Variants in TET1 observed in about 807,000 individuals in gnomAD.
TET1 encodes the protein tet methylcytosine dioxygenase 1.
Under a neutral mutation model 148.7 loss-of-function variants are expected in TET1, and 13 were observed. The observed-to-expected ratio is 0.09, with a 90% CI of 0.06 to 0.14. The LOEUF (loss-of-function observed/expected upper bound fraction) is 0.14, where lower values mean the gene tolerates loss of function less well. TET1 is among the 10% of genes least tolerant of loss of function. TET1 has a pLI of 1.00. For synonymous variants in TET1, 907 were observed against 937.2 expected (o/e 0.97, Z 0.59); for missense variants, 2,182 against 2,553.8 (o/e 0.85, Z 3.14).
intron 1 of TET1, among the ~76,000 whole-genome samples, chr10:68,566,088 G>C (rs1669657368): frequency 6.6e-6 from 1 of 152,106 alleles, no homozygotes. Context: ...TTAAAAATAT[G>C]AAAGAATATA....
intron 3 of TET1, among the ~76,000 whole-genome samples, chr10:68,638,713 T>A (rs544864948): frequency 6.6e-6 from 1 of 152,086 alleles, no homozygotes; most frequent in African/African-American, 2.4e-5. Flanking sequence ...TGGGTTGTTG[T>A]TGTTTTTGGA....
chr10:68,643,439 C>T lies in TET1; in HGVS notation c.1969-1259C>T, dbSNP rs562942590. Among the ~76,000 whole-genome samples, 40 of 152,160 alleles carry T rather than the reference C, an allele frequency of 2.6e-4. No individual in the cohort carries two copies. In the South Asian group the frequency reaches 8.3e-3, roughly 32 times the overall value. Reference sequence around the variant, plus strand: ...AATGGACTACAAGTATACTTAACAGCTCATTTTGTGAAAACTTAACAAGCT... The same window carrying T: ...AATGGACTACAAGTATACTTAACAGTTCATTTTGTGAAAACTTAACAAGCT... On this transcript the variant is annotated intron_variant, in intron 3 of 11. Coordinates refer to ENST00000373644, the MANE Select transcript of TET1 (RefSeq NM_030625.3).
At chr10:68,563,931 C>T (rs975798595) in intron 1 of TET1, among the ~76,000 whole-genome samples, 13 of 152,078 alleles carry the variant, frequency 8.5e-5, no homozygotes, top group African/African-American at 3.1e-4. Flanking sequence ...ATCTGCCTGC[C>T]TCGGCCTCCC....
rs750055740 is a variant in TET1, at chr10:68,682,844, T to C, written c.4923T>C (p.Tyr1641=). The change falls in exon 10 of 12, where the codon TAT becomes TAC. Residue 1641 remains tyrosine, a synonymous_variant. Coordinates refer to ENST00000373644, the MANE Select transcript of TET1 (RefSeq NM_030625.3). The part of the protein sequence containing the change: ...APVAYQNQVE[Y]ENVARECRLG... ...CATGCTTTCTTTTCTAGGTGGAATA[T>C]GAAAATGTTGCCCGAGAATGTCGGC... 2 of 1,613,286 alleles carry C rather than the reference T, an allele frequency of 1.2e-6. No individual in the cohort carries two copies. The highest frequency in any genetic ancestry group is 8.5e-7 in the Non-Finnish European group (1 of 1,179,868).
chr10:68,676,890 CA>C (rs993341559), intron 8 of TET1, among the ~76,000 whole-genome samples: 5 of 152,152 alleles, frequency 3.3e-5, no homozygotes, highest in African/African-American at 9.7e-5. Flanking sequence ...AAATTTTAAA[CA>C]AGTGGGATCA....
At chr10:68,688,430 C>CTTTT (rs56149036) in intron 11 of TET1, among the ~76,000 whole-genome samples, 2 of 90,114 alleles carry the variant, frequency 2.2e-5, no homozygotes, top group African/African-American at 4.2e-5. Context: ...CTTTTGATAG[C>CTTTT]TTTTTTTTTT....
chr10:68,646,768 C>A lies in TET1; in HGVS notation c.4039C>A (p.Pro1347Thr). Residue 1347 changes from proline (P) to threonine (T), a missense_variant, in exon 4 of 12, where the codon CCG becomes ACG. Pro to Thr is a conservative substitution (Grantham distance 38, BLOSUM62 -1). Coordinates refer to ENST00000373644, the MANE Select transcript of TET1 (RefSeq NM_030625.3). ...LPGISHETPL[P>T]ESALTLRNVN... ...TGGTATCTCTCATGAAACACCCTTA[C>A]CGGAGTCAGCACTAACTCTCAGGAA... 1 of 1,614,152 alleles carries A rather than the reference C, an allele frequency of 6.2e-7. No individual in the cohort carries two copies. The highest frequency in any genetic ancestry group is 8.5e-7 in the Non-Finnish European group (1 of 1,180,020).
intron 8 of TET1, among the ~76,000 whole-genome samples, chr10:68,678,284 G>C (rs1485611317): frequency 6.6e-6 from 1 of 152,200 alleles, no homozygotes; most frequent in African/African-American, 2.4e-5. Context: ...ATTGGACCAG[G>C]TTTGTAGAGG....
intron 8 of TET1, 55 bp downstream of exon 8, chr10:68,673,100 T>G: frequency 6.7e-7 from 1 of 1,502,232 alleles, no homozygotes; most frequent in Non-Finnish European, 9.0e-7. Context: ...ATTGAATATG[T>G]AAGTGCATTC....
chr10:68,691,379 G>C lies in TET1; in HGVS notation c.5976G>C (p.Glu1992Asp), dbSNP rs2055591460. 6.2e-7 allele frequency: 1 copy of C among 1,614,056 alleles called. No individual in the cohort carries two copies. Residue 1992 changes from glutamate (E) to aspartate (D), a missense_variant, in exon 12 of 12, where the codon GAG becomes GAC. Physicochemically the swap from Glu to Asp is conservative, Grantham distance 45 (BLOSUM62 2). This residue lies in a region of TET1 where 380 missense variants were observed against 387.9 expected (regional missense o/e 0.98). Coordinates refer to ENST00000373644, the MANE Select transcript of TET1 (RefSeq NM_030625.3). This position sits in a 1 kb window ranked among gnomAD's most constrained non-coding sequence, Gnocchi z 4.4. ...PAEEKLPHID[E>D]YWSDSEHIFL... ...AGGAGAAATTGCCCCACATTGATGA[G>C]TATTGGTCAGACAGTGAGCACATCT...
chr10:68,644,932 A>G lies in TET1; in HGVS notation c.2203A>G (p.Lys735Glu), dbSNP rs1418521511. 1.9e-6 allele frequency: 3 copies of G among 1,611,874 alleles called. No homozygotes were observed. Reference sequence around the variant, plus strand: ...TAGTGCTAATGTCCCAGAAGCTGAAAAATCGAAAAACTCTGAAGTTGACAA... The same window carrying G: ...TAGTGCTAATGTCCCAGAAGCTGAAGAATCGAAAAACTCTGAAGTTGACAA... ...DFSANVPEAE[K>E]SKNSEVDKKR... Residue 735 changes from lysine (K) to glutamate (E), a missense_variant, in exon 4 of 12, where the codon AAA becomes GAA. By Grantham distance (56) the Lys-to-Glu change is moderately conservative (BLOSUM62 1). Coordinates refer to ENST00000373644, the MANE Select transcript of TET1 (RefSeq NM_030625.3).
intron 3 of TET1, among the ~76,000 whole-genome samples, chr10:68,626,183 C>CT (rs1038367125): frequency 2.0e-5 from 3 of 151,000 alleles, no homozygotes; most frequent in African/African-American, 7.3e-5. Flanking sequence ...GTTGTACTGA[C>CT]TTCTAATGTC....
chr10:68,605,666 C>T (rs967332345), intron 3 of TET1, among the ~76,000 whole-genome samples: 3 of 152,292 alleles, frequency 2.0e-5, no homozygotes, highest in Admixed American at 2.0e-4. Flanking sequence ...ACATGTGCCA[C>T]CACGCCCAGC....
intron 3 of TET1, among the ~76,000 whole-genome samples, chr10:68,621,146 A>C (rs1285095964): frequency 1.3e-5 from 2 of 152,196 alleles, no homozygotes; most frequent in Non-Finnish European, 2.9e-5. Context: ...TTGGTGTTAA[A>C]AACAGTTGGC....
At chr10:68,686,149 T>C (rs996798259) in intron 10 of TET1, among the ~76,000 whole-genome samples, 3 of 152,226 alleles carry the variant, frequency 2.0e-5, no homozygotes, top group Non-Finnish European at 2.9e-5. Context: ...ATTATTCTGG[T>C]CTGCCTACAA....
chr10:68,677,898 G>A (rs1172429674), intron 8 of TET1, among the ~76,000 whole-genome samples: 1 of 152,156 alleles, frequency 6.6e-6, no homozygotes, highest in African/African-American at 2.4e-5. Flanking sequence ...GGGATTACAG[G>A]CATGAGCCAC....
intron 2 of TET1, among the ~76,000 whole-genome samples, chr10:68,596,560 A>C (rs1289982373): frequency 6.6e-6 from 1 of 152,144 alleles, no homozygotes; most frequent in African/African-American, 2.4e-5. Context: ...AAGTGCTTGG[A>C]TTGCAGATGT....
At chr10:68,608,089 C>A (rs1347727002) in intron 3 of TET1, among the ~76,000 whole-genome samples, 4 of 151,776 alleles carry the variant, frequency 2.6e-5, no homozygotes, top group African/African-American at 7.3e-5. Context: ...CCACCGCACC[C>A]AGCTAATTTT....
In TET1 at chr10:68,646,900, G is replaced by A. The variant is rs2054859194; in HGVS notation, c.4171G>A (p.Ala1391Thr). 2 of 1,614,136 alleles carry A rather than the reference G, an allele frequency of 1.2e-6. No individual in the cohort carries two copies. The highest frequency in any genetic ancestry group is 1.7e-6 in the Non-Finnish European group (2 of 1,180,046). Reference protein sequence around the residue: ...GTSEFSTVDSAQKNFNDYAMN... With the variant: ...GTSEFSTVDSTQKNFNDYAMN... ...ATCAGAATTTTCCACAGTGGACAGTGCACAGAAAAATTTTAATGATTATGC... is the reference window on the plus strand; with the variant it reads ...ATCAGAATTTTCCACAGTGGACAGTACACAGAAAAATTTTAATGATTATGC... The change falls in exon 4 of 12, where the codon GCA becomes ACA. Residue 1391 changes from alanine to threonine, a missense_variant. By Grantham distance (58) the Ala-to-Thr change is moderately conservative (BLOSUM62 0). Around this residue, in one of 11 missense-constraint regions of TET1, gnomAD observed 169 missense variants for 263.7 expected, o/e 0.64. Transcript: ENST00000373644.
Sources: gnomAD v4.1 joint callset for allele counts (sites outside exome capture counted in the v4.1 genomes callset) on GRCh38, gnomAD v4.1.1 for gene constraint, gnomAD v4.1.1 regional missense constraint, Gnocchi (gnomAD v3.1) non-coding constraint, MANE v1.5 for transcripts, NCBI Gene and HGNC (gene_info 2026-07-23, HGNC 2026-07-21) for gene names.